The following CCDC7 variants were observed in gnomAD, a reference collection of about 807,000 sequenced individuals.
The protein encoded by CCDC7 is coiled-coil domain-containing protein 7.
CCDC7 carries 183 observed loss-of-function variants against 196.9 expected under a neutral mutation model. The ratio of observed to expected loss-of-function variants is 0.93; its 90% CI spans 0.82 to 1.05. CCDC7 has a LOEUF of 1.05. Ranked by LOEUF, CCDC7 falls within the 50% of genes least tolerant of loss-of-function variation. The probability of loss-of-function intolerance (pLI) is 0.00; values close to 1 mark genes in which losing one functional copy is unlikely to be tolerated. For missense variants in CCDC7, 1,540 were observed against 1,482.2 expected, an observed-to-expected ratio of 1.04 and a Z score of -0.64; for synonymous variants, 525 against 484.6, an observed-to-expected ratio of 1.08 and a Z score of -1.10.
At chr10:32,647,615 G>A (rs549519925) in intron 20 of CCDC7, among the ~76,000 whole-genome samples, 101 of 150,142 alleles carry the variant, frequency 6.7e-4, no homozygotes, top group African/African-American at 2.4e-3. Context: ...TCATATGCTT[G>A]TTGGCAGCAT....
chr10:32,738,339 C>T (rs2085219986), intron 28 of CCDC7, among the ~76,000 whole-genome samples: 1 of 152,054 alleles, frequency 6.6e-6, no homozygotes, highest in African/African-American at 2.4e-5. Flanking sequence ...CCTTTTGTCA[C>T]TCATAAGATT....
At chr10:32,472,531 A>G in exon 7 of CCDC7, 1 of 1,581,948 alleles carries the variant, frequency 6.3e-7, no homozygotes, top group Non-Finnish European at 8.6e-7. Context: ...GCTCTGGCAC[A>G]GAAAATTGAA....
At chr10:32,824,569 C>G (rs886817798) in exon 32 of CCDC7, 3 of 1,611,654 alleles carry the variant, frequency 1.9e-6, no homozygotes, top group Non-Finnish European at 2.5e-6. Flanking sequence ...ATAAATGATG[C>G]AATTAAGACG....
At chr10:32,734,707 C>T (rs2084564944) in intron 28 of CCDC7, among the ~76,000 whole-genome samples, 1 of 152,002 alleles carries the variant, frequency 6.6e-6, no homozygotes, top group Non-Finnish European at 1.5e-5. Flanking sequence ...CCAGCCTGGG[C>T]AATATGGTAA....
rs754426958 is a variant in CCDC7, at chr10:32,848,555, A to C, written c.3773-41A>C. 5.8e-5 allele frequency: 78 copies of C among 1,352,182 alleles called. No homozygotes were observed. In the African/African-American group the frequency reaches 9.0e-4, roughly 16 times the overall value. The allele number at this position is 1,352,182 out of a possible 1,614,324, so 83.8% of individuals were successfully genotyped here. ...AGATGGGATTAGTGTGTGAATAGTC[A>C]AGAGTATTCATGCACTTTTTCTTTT... is the stretch of plus-strand genomic sequence containing the variant. On this transcript the variant is annotated intron_variant, in intron 38 of 41. Coordinates refer to ENST00000639629, the Ensembl canonical transcript of CCDC7.
chr10:32,625,405 T>C (rs1327869799), intron 18 of CCDC7, among the ~76,000 whole-genome samples: 1 of 151,754 alleles, frequency 6.6e-6, no homozygotes, highest in Non-Finnish European at 1.5e-5. Flanking sequence ...TGTGTCTGTT[T>C]ATATACCATT....
chr10:32,775,356 G>T (rs538243548), intron 28 of CCDC7, among the ~76,000 whole-genome samples: 1 of 152,094 alleles, frequency 6.6e-6, no homozygotes, highest in Non-Finnish European at 1.5e-5. Flanking sequence ...GAGGGCAAAG[G>T]GGAGCTTTAT....
At position 32,658,459 on chromosome 10, in the gene CCDC7, G is replaced by A. The variant is rs562364417; in HGVS notation, c.2015-5595G>A. ...CCTCTTATAAAACCATTCATATCTCGTAAGAACTCATTTACTATCATGAGA... is the reference window on the plus strand; with the variant it reads ...CCTCTTATAAAACCATTCATATCTCATAAGAACTCATTTACTATCATGAGA... On this transcript the variant is annotated intron_variant, in intron 20 of 41. Coordinates refer to ENST00000639629, the Ensembl canonical transcript of CCDC7. Among the ~76,000 whole-genome samples, 216 of 152,070 alleles carry A rather than the reference G, an allele frequency of 1.4e-3. 1 individual carries two copies. The highest frequency in any genetic ancestry group is 4.4e-3 in the African/African-American group (182 of 41,464).
In CCDC7 at chr10:32,658,881, C is replaced by T. The variant is rs148138822; in HGVS notation, c.2015-5173C>T. 1.8e-3 allele frequency among the ~76,000 whole-genome samples: 276 copies of T among 152,178 alleles called. 2 individuals are homozygous for T. Among genetic ancestry groups the T allele is most frequent in the African/African-American group, 6.3e-3 (262 of 41,508 alleles). ...TCATAATTTTTTGTATTTCTGTGGT[C>T]AGTTGTAATGTCTCATCTCTCATTT... On this transcript the variant is annotated intron_variant, in intron 20 of 41. Coordinates refer to ENST00000639629, the Ensembl canonical transcript of CCDC7.
chr10:32,477,660 G>A (rs551473056), intron 8 of CCDC7, among the ~76,000 whole-genome samples: 3 of 152,024 alleles, frequency 2.0e-5, no homozygotes, highest in East Asian at 1.9e-4. Context: ...GATCAGTTGC[G>A]TATATTTGTG....
At chr10:32,467,470 A>G (rs1219523153) in intron 5 of CCDC7, among the ~76,000 whole-genome samples, 1 of 152,094 alleles carries the variant, frequency 6.6e-6, no homozygotes, top group South Asian at 2.1e-4. Context: ...TAAGTTTCTT[A>G]TAGATGTTGG....
chr10:32,626,245 G>A (rs1319549749), intron 18 of CCDC7, among the ~76,000 whole-genome samples: 4 of 151,890 alleles, frequency 2.6e-5, no homozygotes, highest in African/African-American at 9.7e-5. Context: ...TGGTATTTTT[G>A]ATAATAGACA....
chr10:32,834,579 C>A (rs2092454788), intron 32 of CCDC7, among the ~76,000 whole-genome samples: 1 of 151,554 alleles, frequency 6.6e-6, no homozygotes, highest in Non-Finnish European at 1.5e-5. Flanking sequence ...TGATTTTGTT[C>A]AAATCACTAA....
chr10:32,873,049 G>A (rs2094485300), intron 41 of CCDC7, among the ~76,000 whole-genome samples: 1 of 151,908 alleles, frequency 6.6e-6, no homozygotes, highest in Non-Finnish European at 1.5e-5. Flanking sequence ...TATCTTTTTG[G>A]CTTTCTCTGT....
intron 20 of CCDC7, among the ~76,000 whole-genome samples, chr10:32,657,629 T>C (rs2070252073): frequency 6.6e-6 from 1 of 152,156 alleles, no homozygotes; most frequent in African/African-American, 2.4e-5. Flanking sequence ...AAACCATTTT[T>C]TCCTCCTAGG....
intron 21 of CCDC7, among the ~76,000 whole-genome samples, chr10:32,679,330 G>T (rs1482345394): frequency 2.0e-5 from 3 of 152,064 alleles, no homozygotes; most frequent in Non-Finnish European, 4.4e-5. Flanking sequence ...ACCTCCAATT[G>T]GCAAACAGAA....
intron 25 of CCDC7, among the ~76,000 whole-genome samples, chr10:32,726,110 C>A (rs908534600): frequency 1.3e-5 from 2 of 151,850 alleles, no homozygotes; most frequent in Non-Finnish European, 2.9e-5. Context: ...TAATATTTCT[C>A]TATTTCTGTT....
At chr10:32,590,847 C>T (rs1158556722) in intron 18 of CCDC7, among the ~76,000 whole-genome samples, 1 of 122,212 alleles carries the variant, frequency 8.2e-6, no homozygotes, top group Non-Finnish European at 1.7e-5. Flanking sequence ...AAGTCTGCTG[C>T]CAGATGTATT....
chr10:32,806,479 C>A (rs755224840), intron 30 of CCDC7, among the ~76,000 whole-genome samples: 1 of 151,972 alleles, frequency 6.6e-6, no homozygotes, highest in African/African-American at 2.4e-5. Context: ...GGAAACCATT[C>A]TTTAACAAGA....
Sources: allele counts gnomAD v4.1 joint callset (sites outside exome capture counted in the v4.1 genomes callset), GRCh38; gene constraint gnomAD v4.1.1; transcripts MANE v1.5; gene names NCBI Gene and HGNC (gene_info 2026-07-23, HGNC 2026-07-21).